Variants in ABCC4 observed in about 807,000 individuals in gnomAD.
ABCC4 encodes ATP binding cassette subfamily C member 4 (PEL blood group), also known as ATP-binding cassette sub-family C member 4.
ABCC4 carries 102 observed loss-of-function variants against 168.5 expected under a neutral mutation model. The ratio of observed to expected loss-of-function variants is 0.61; its 90% CI spans 0.52 to 0.71. ABCC4 has a LOEUF of 0.71. ABCC4 is among the 30% of genes least tolerant of loss of function. The probability of loss-of-function intolerance (pLI) is 0.00; values close to 1 mark genes in which losing one functional copy is unlikely to be tolerated. For missense variants in ABCC4, 1,402 were observed against 1,605.8 expected (o/e 0.87, Z 2.17); for synonymous variants, 617 against 590.7 (o/e 1.04, Z -0.65).
chr13:95,084,837 T>C (rs971469065), intron 20 of ABCC4, among the ~76,000 whole-genome samples: 7 of 152,244 alleles, frequency 4.6e-5, no homozygotes, highest in Non-Finnish European at 8.8e-5. Flanking sequence ...CTTTGGAAAT[T>C]ACCTTGGTCT....
intron 25 of ABCC4, among the ~76,000 whole-genome samples, chr13:95,063,206 AAAAT>A (rs2033370048): frequency 1.3e-5 from 2 of 152,228 alleles, no homozygotes; most frequent in Admixed American, 1.3e-4. Context: ...AAAAGAGTTG[AAAAT>A]AACAGAATCT....
At chr13:95,238,224 G>A (rs1279825745) in intron 3 of ABCC4, among the ~76,000 whole-genome samples, 1 of 151,290 alleles carries the variant, frequency 6.6e-6, no homozygotes, top group East Asian at 1.9e-4. Context: ...AAAGAAATGG[G>A]GGAACAGGGG....
chr13:95,286,865 G>A (rs1016653252), intron 1 of ABCC4, among the ~76,000 whole-genome samples: 2 of 149,966 alleles, frequency 1.3e-5, no homozygotes, highest in Admixed American at 6.7e-5. Context: ...GCTGAGGCAG[G>A]AGAATTGCTT....
In ABCC4 at chr13:95,170,580, A is replaced by G. The variant is rs750009776; in HGVS notation, c.1776T>C (p.His592=). ...LHEKITILVT[H]QLQYLKAASQ... Reference sequence around the variant, plus strand: ...TTGCAGCTTTGAGGTACTGCAACTGATGAGTCACTAAAATTGTGATCTTCT... The same window carrying G: ...TTGCAGCTTTGAGGTACTGCAACTGGTGAGTCACTAAAATTGTGATCTTCT... The change falls in exon 14 of 31, where the codon CAT becomes CAC. Residue 592 remains histidine, a synonymous_variant. Coordinates refer to ENST00000645237, the MANE Select transcript of ABCC4 (RefSeq NM_005845.5). The G allele has an allele frequency of 6.2e-7, 1 of 1,612,618 alleles. No homozygotes were observed. The highest frequency in any genetic ancestry group is 8.5e-7 in the Non-Finnish European group (1 of 1,179,780).
At position 95,267,297 on chromosome 13, in the gene ABCC4, G is replaced by T. The variant is rs1305841001; in HGVS notation, c.75-19544C>A. ...TTTCCCATGCTATTCCCATGATAGT[G>T]AATAGGTCTCACGAGATCTGCTGGT... is the stretch of plus-strand genomic sequence containing the variant. On this transcript the variant is annotated intron_variant, in intron 1 of 30. Transcript: ENST00000645237. 2.0e-5 allele frequency among the ~76,000 whole-genome samples: 3 copies of T among 152,230 alleles called. No homozygotes were observed. The South Asian group carries it at 6.2e-4, about 32-fold the overall frequency.
intron 1 of ABCC4, among the ~76,000 whole-genome samples, chr13:95,252,239 T>C (rs1183422453): frequency 3.9e-5 from 6 of 152,202 alleles, no homozygotes; most frequent in African/African-American, 1.4e-4. Context: ...AAAAATTGTA[T>C]GCTGAGGTTG....
Position 95,062,784 on chromosome 13 carries a change from C to T in ABCC4, c.3286G>A (p.Gly1096Ser). 1 of 1,613,540 alleles carries T rather than the reference C, an allele frequency of 6.2e-7. No individual in the cohort carries two copies. The highest frequency in any genetic ancestry group is 8.5e-7 in the Non-Finnish European group (1 of 1,179,848). Residue 1096 changes from glycine to serine, a missense_variant, in exon 26 of 31, where the codon GGT becomes AGT. Physicochemically the swap from Gly to Ser is moderately conservative, Grantham distance 56. Transcript: ENST00000645237. ...AAGATCTTATCAATCCAAATTTTAC[C>T]TTCGGGTTCTGACAATCTAAAAAGG... is the stretch of plus-strand genomic sequence containing the variant. Reference protein sequence around the residue: ...SALFRLSEPEGKIWIDKILTT... With the variant: ...SALFRLSEPESKIWIDKILTT...
intron 4 of ABCC4, among the ~76,000 whole-genome samples, chr13:95,219,055 T>G (rs1423505552): frequency 6.6e-6 from 1 of 151,362 alleles, no homozygotes; most frequent in African/African-American, 2.4e-5. Context: ...AAAAAACCAT[T>G]AGCGTTTCAA....
At chr13:95,022,702 G>C (rs560140317) in intron 30 of ABCC4, among the ~76,000 whole-genome samples, 1 of 152,240 alleles carries the variant, frequency 6.6e-6, no homozygotes, top group East Asian at 1.9e-4. Context: ...ATACGATTCT[G>C]GATCTATTTT....
chr13:95,188,714 T>G (rs1356746996), intron 9 of ABCC4, among the ~76,000 whole-genome samples, 172 bp from the exon 10 acceptor site: 1 of 152,210 alleles, frequency 6.6e-6, no homozygotes, highest in Non-Finnish European at 1.5e-5. Context: ...TCATATTTTT[T>G]TGGTGGGGTT....
intron 14 of ABCC4, among the ~76,000 whole-genome samples, chr13:95,168,499 T>C (rs1231755875): frequency 6.6e-6 from 1 of 152,228 alleles, no homozygotes; most frequent in Non-Finnish European, 1.5e-5. Context: ...GCTATCATTA[T>C]ATACCCCGTT....
chr13:95,167,197 A>T (rs147237658), intron 14 of ABCC4, among the ~76,000 whole-genome samples: 1 of 151,262 alleles, frequency 6.6e-6, no homozygotes, highest in Admixed American at 6.6e-5. Flanking sequence ...TAAATAAATA[A>T]ATAAATAAAT....
intron 8 of ABCC4, among the ~76,000 whole-genome samples, chr13:95,195,162 A>G (rs1046346256): frequency 1.3e-5 from 2 of 152,222 alleles, no homozygotes; most frequent in Non-Finnish European, 2.9e-5. Flanking sequence ...TTTAGGAACT[A>G]TCTGTGTAAT....
intron 4 of ABCC4, among the ~76,000 whole-genome samples, chr13:95,220,761 C>G (rs1193899167): frequency 2.0e-5 from 3 of 152,144 alleles, no homozygotes; most frequent in Non-Finnish European, 4.4e-5. Flanking sequence ...AAATAACAGC[C>G]CTGTGCCCAC....
At chr13:95,083,545 G>C (rs1278163131) in intron 20 of ABCC4, among the ~76,000 whole-genome samples, 1 of 72,230 alleles carries the variant, frequency 1.4e-5, no homozygotes, top group African/African-American at 6.2e-5. Flanking sequence ...TTTTTTTTTT[G>C]AGATGGAGTC....
At chr13:95,064,879 A>G (rs904419776) in intron 25 of ABCC4, among the ~76,000 whole-genome samples, 3 of 152,198 alleles carry the variant, frequency 2.0e-5, no homozygotes, top group Non-Finnish European at 2.9e-5. Flanking sequence ...GGTTTCACCA[A>G]ATCCTCTGGA....
At chr13:95,242,204 T>C (rs890142060) in intron 3 of ABCC4, among the ~76,000 whole-genome samples, 1 of 150,206 alleles carries the variant, frequency 6.7e-6, no homozygotes, top group South Asian at 2.1e-4. Context: ...TTAAATCAAC[T>C]GTGAAACTAA....
At chr13:95,203,868 G>A (rs2038703802) in intron 8 of ABCC4, among the ~76,000 whole-genome samples, 2 of 152,188 alleles carry the variant, frequency 1.3e-5, no homozygotes, top group South Asian at 4.1e-4. Flanking sequence ...TTCAACTCGA[G>A]TCTGCTTCCT....
At chr13:95,190,338 CA>C (rs34270384) in intron 9 of ABCC4, among the ~76,000 whole-genome samples, 1 of 151,986 alleles carries the variant, frequency 6.6e-6, no homozygotes, top group Non-Finnish European at 1.5e-5. Flanking sequence ...GACCTTGTCT[CA>C]AAAAAATGTT....
Sources: allele counts gnomAD v4.1 joint callset (sites outside exome capture counted in the v4.1 genomes callset), GRCh38; gene constraint gnomAD v4.1.1; transcripts MANE v1.5; gene names NCBI Gene and HGNC (gene_info 2026-07-23, HGNC 2026-07-21).